Variants in RFTN2 observed in about 807,000 individuals in gnomAD.
RFTN2 encodes the protein raftlin family member 2.
A neutral mutation model predicts 52.7 loss-of-function variants in RFTN2; 34 were observed. The observed-to-expected ratio is 0.64, with a 90% CI of 0.49 to 0.86. The LOEUF (loss-of-function observed/expected upper bound fraction) is 0.86, where lower values mean the gene tolerates loss of function less well. Ranked by LOEUF, RFTN2 falls within the 40% of genes least tolerant of loss-of-function variation. RFTN2 has a pLI of 0.00. For synonymous variants in RFTN2, 203 were observed against 217.7 expected (o/e 0.93, Z 0.59); for missense variants, 536 against 600.1 (o/e 0.89, Z 1.12).
intron 1 of RFTN2, among the ~76,000 whole-genome samples, chr2:197,671,984 T>G (rs2089153184): frequency 6.6e-6 from 1 of 152,230 alleles, no homozygotes; most frequent in African/African-American, 2.4e-5. Flanking sequence ...AACATACTCA[T>G]ATACATACAT....
rs4850802 is a variant in RFTN2, at chr2:197,632,064, A to G, written c.719-844T>C. ...GAGAGGAATCTAAAGATTGATAGTT[A>G]CATTAAGTACTATATTGGATTTAGA... On this transcript the variant is annotated intron_variant, in intron 4 of 8. Coordinates refer to ENST00000295049, the MANE Select transcript of RFTN2 (RefSeq NM_144629.3). Among the ~76,000 whole-genome samples, 709 of 152,344 alleles carry G rather than the reference A, an allele frequency of 4.7e-3. 18 individuals are homozygous for G. The highest frequency in any genetic ancestry group is 0.044 in the Admixed American group (672 of 15,290).
At chr2:197,633,044 G>A (rs2088492631) in intron 4 of RFTN2, among the ~76,000 whole-genome samples, 1 of 152,150 alleles carries the variant, frequency 6.6e-6, no homozygotes, top group South Asian at 2.1e-4. Flanking sequence ...TAATGCTAAG[G>A]TATATGTAGC....
chr2:197,588,249 C>A (rs904852715), intron 8 of RFTN2, among the ~76,000 whole-genome samples: 7 of 152,246 alleles, frequency 4.6e-5, no homozygotes, highest in East Asian at 1.9e-4. Context: ...TGCACACAGA[C>A]GATGTATAGA....
chr2:197,579,273 G>A (rs747185962), intron 8 of RFTN2, among the ~76,000 whole-genome samples: 3 of 152,050 alleles, frequency 2.0e-5, no homozygotes, highest in African/African-American at 7.2e-5. Flanking sequence ...TTGCCTGGGG[G>A]GCAATTGCCC....
intron 1 of RFTN2, among the ~76,000 whole-genome samples, chr2:197,650,913 T>C (rs191391912): frequency 6.6e-6 from 1 of 152,356 alleles, no homozygotes; most frequent in East Asian, 1.9e-4. Context: ...CCACCAACAG[T>C]ACACAAGTGT....
chr2:197,667,587 G>A (rs1229696822), intron 1 of RFTN2, among the ~76,000 whole-genome samples: 1 of 152,140 alleles, frequency 6.6e-6, no homozygotes, highest in Non-Finnish European at 1.5e-5. Context: ...AACTGCTTTT[G>A]TGGAAAAGGT....
chr2:197,629,467 G>T (rs2088425015), intron 5 of RFTN2, among the ~76,000 whole-genome samples: 1 of 151,990 alleles, frequency 6.6e-6, no homozygotes, highest in African/African-American at 2.4e-5. Flanking sequence ...ATGGGGGAGG[G>T]ATAGTATTAG....
At chr2:197,656,059 T>A (rs1248126535) in intron 1 of RFTN2, among the ~76,000 whole-genome samples, 3 of 152,160 alleles carry the variant, frequency 2.0e-5, no homozygotes, top group Non-Finnish European at 4.4e-5. Context: ...AGGGTACTCA[T>A]GGAGCAGTGG....
chr2:197,604,056 AG>A (rs1320710319), intron 7 of RFTN2, among the ~76,000 whole-genome samples: 1 of 152,240 alleles, frequency 6.6e-6, no homozygotes, highest in Non-Finnish European at 1.5e-5. Context: ...GCAAGTAATT[AG>A]GAAACTACAA....
chr2:197,575,834 A>ATATATTCTATATATAATG (rs1559335224), intron 8 of RFTN2, among the ~76,000 whole-genome samples: 1 of 33,960 alleles, frequency 2.9e-5, no homozygotes, highest in African/African-American at 8.5e-5. Flanking sequence ...TATATATAAT[A>ATATATTCTATATATAATG]TATTATATAT....
chr2:197,583,338 G>C (rs537620006), intron 8 of RFTN2, among the ~76,000 whole-genome samples: 4 of 152,302 alleles, frequency 2.6e-5, no homozygotes, highest in African/African-American at 9.6e-5. Flanking sequence ...TGAACTGGAT[G>C]GGTAGAGGTC....
chr2:197,657,599 C>T (rs568843464), intron 1 of RFTN2, among the ~76,000 whole-genome samples: 21 of 152,262 alleles, frequency 1.4e-4, no homozygotes, highest in African/African-American at 5.1e-4. Context: ...CTCATTTACA[C>T]ATGGTTTTAA....
At chr2:197,580,152 C>T (rs561238901) in intron 8 of RFTN2, among the ~76,000 whole-genome samples, 9 of 152,040 alleles carry the variant, frequency 5.9e-5, no homozygotes, top group Admixed American at 1.3e-4. Context: ...TTTTATTACC[C>T]GATCCGCTCC....
intron 7 of RFTN2, among the ~76,000 whole-genome samples, chr2:197,612,885 T>A (rs924734942): frequency 6.6e-6 from 1 of 152,132 alleles, no homozygotes; most frequent in Admixed American, 6.5e-5. Context: ...GTAGGGAGAA[T>A]GTTGAAATTA....
chr2:197,586,502 T>C lies in RFTN2; in HGVS notation c.1233+9489A>G, dbSNP rs185838863. 2.1e-3 allele frequency among the ~76,000 whole-genome samples: 323 copies of C among 152,364 alleles called. 2 individuals carry two copies. The highest frequency in any genetic ancestry group is 3.4e-3 in the Non-Finnish European group (232 of 68,042). Reference sequence around the variant, plus strand: ...CTACCTACATGTGTCTACCTGCTAATTGGACAGGCACATGCACATTAATTT... The same window carrying C: ...CTACCTACATGTGTCTACCTGCTAACTGGACAGGCACATGCACATTAATTT... On this transcript the variant is annotated intron_variant, in intron 8 of 8. Transcript: ENST00000295049.
At chr2:197,594,513 G>A (rs186766301) in intron 8 of RFTN2, among the ~76,000 whole-genome samples, 79 of 152,016 alleles carry the variant, frequency 5.2e-4, no homozygotes, top group South Asian at 2.1e-3. Context: ...TTAATTTTTT[G>A]TAGAGACAGG....
At chr2:197,618,772 G>C (rs1357242665) in intron 5 of RFTN2, among the ~76,000 whole-genome samples, 1 of 151,260 alleles carries the variant, frequency 6.6e-6, no homozygotes, top group African/African-American at 2.4e-5. Flanking sequence ...TCTCTGCCCG[G>C]ACGCCCCGTC....
intron 5 of RFTN2, among the ~76,000 whole-genome samples, chr2:197,619,199 G>C (rs1021889156): frequency 6.6e-5 from 10 of 152,256 alleles, no homozygotes; most frequent in African/African-American, 2.4e-4. Flanking sequence ...CTACTGGGAA[G>C]TGAGGAGCCC....
intron 3 of RFTN2, among the ~76,000 whole-genome samples, chr2:197,641,468 C>A (rs910006203): frequency 6.6e-6 from 1 of 152,080 alleles, no homozygotes; most frequent in African/African-American, 2.4e-5. Flanking sequence ...GTGCATTTAC[C>A]GTCAGTGCTT....
Sources: gnomAD v4.1 joint callset for allele counts (sites outside exome capture counted in the v4.1 genomes callset) on GRCh38, gnomAD v4.1.1 for gene constraint, MANE v1.5 for transcripts, NCBI Gene and HGNC (gene_info 2026-07-23, HGNC 2026-07-21) for gene names.